Variants in EXOC6B observed in about 807,000 individuals in gnomAD.
The protein encoded by EXOC6B is SEC15 homolog B.
In EXOC6B, 54 loss-of-function variants were observed where a neutral mutation model predicts 113.5. The ratio of observed to expected loss-of-function variants is 0.48; its 90% CI spans 0.38 to 0.60. EXOC6B has a LOEUF of 0.60. EXOC6B is among the 20% of genes least tolerant of loss of function. EXOC6B has a pLI of 0.00. For missense variants in EXOC6B, 797 were observed against 977.5 expected (o/e 0.82, Z 2.46); for synonymous variants, 357 against 339.0 (o/e 1.05, Z -0.58).
intron 13 of EXOC6B, 36 bp downstream of exon 13, chr2:72,498,418 G>A (rs1266809444): frequency 7.0e-7 from 1 of 1,437,710 alleles, no homozygotes; most frequent in African/African-American, 1.4e-5. Context: ...TAATGTACAT[G>A]AACACACACA....
intron 6 of EXOC6B, among the ~76,000 whole-genome samples, chr2:72,650,309 T>G (rs1056464424): frequency 6.6e-6 from 1 of 151,952 alleles, no homozygotes; most frequent in Admixed American, 6.6e-5. Context: ...TTTTAGAAAA[T>G]AGATAAAAGA....
intron 6 of EXOC6B, among the ~76,000 whole-genome samples, chr2:72,707,883 G>A (rs1481501206): frequency 6.6e-6 from 1 of 152,042 alleles, no homozygotes; most frequent in Non-Finnish European, 1.5e-5. Context: ...TAATGCTATA[G>A]AGGAAAAGAA....
At chr2:72,782,108 C>T (rs922128720) in intron 1 of EXOC6B, among the ~76,000 whole-genome samples, 1 of 150,172 alleles carries the variant, frequency 6.7e-6, no homozygotes, top group Non-Finnish European at 1.5e-5. Context: ...CCACTGCACT[C>T]CAGCCTGGGC....
intron 8 of EXOC6B, among the ~76,000 whole-genome samples, chr2:72,534,683 CA>C (rs1433961909): frequency 6.6e-6 from 1 of 152,086 alleles, no homozygotes; most frequent in Admixed American, 6.5e-5. Context: ...TTATAAAAAA[CA>C]ATCTAATTAT....
Position 72,307,733 on chromosome 2 carries a change from T to G in EXOC6B, c.2196+27214A>C, listed in dbSNP as rs187833808. Among the ~76,000 whole-genome samples the G allele has an allele frequency of 9.8e-5, 15 of 152,324 alleles. No homozygotes were observed. In the East Asian group the frequency reaches 2.5e-3, roughly 25 times the overall value. ...TTTTCAGGCTATTAGCAAGCAGGCA[T>G]TCTTTGCCTCAGGAGTTTTAGAACA... On this transcript the variant is annotated intron_variant, in intron 20 of 21. Transcript: ENST00000272427.
chr2:72,709,534 AG>A (rs1250142100), intron 6 of EXOC6B, among the ~76,000 whole-genome samples: 1 of 152,208 alleles, frequency 6.6e-6, no homozygotes, highest in Non-Finnish European at 1.5e-5. Context: ...CATATCAAGA[AG>A]TAAGTATCAG....
At chr2:72,716,394 T>A (rs1432336976) in intron 6 of EXOC6B, among the ~76,000 whole-genome samples, 3 of 152,176 alleles carry the variant, frequency 2.0e-5, no homozygotes, top group African/African-American at 7.2e-5. Context: ...ACGTACAAAG[T>A]ACATGGTATT....
chr2:72,463,025 C>G (rs986939172), intron 18 of EXOC6B: 2 of 152,082 alleles, frequency 1.3e-5, no homozygotes, highest in East Asian at 3.9e-4. Context: ...AATAAAATGT[C>G]TTTCTAGAAT....
At chr2:72,480,772 T>C in intron 16 of EXOC6B, 22 bp from the exon 17 acceptor site, 7 of 1,590,172 alleles carry the variant, frequency 4.4e-6, no homozygotes, top group Non-Finnish European at 6.0e-6. Context: ...CAAACACATG[T>C]AAAAGTCATT....
At chr2:72,744,980 T>C (rs898589232) in intron 1 of EXOC6B, among the ~76,000 whole-genome samples, 8 of 152,272 alleles carry the variant, frequency 5.3e-5, no homozygotes, top group African/African-American at 1.9e-4. Flanking sequence ...CTTTGGCCAA[T>C]CCAGTTAATC....
At chr2:72,508,220 T>C (rs1700714330) in intron 11 of EXOC6B, among the ~76,000 whole-genome samples, 2 of 142,114 alleles carry the variant, frequency 1.4e-5, no homozygotes, top group Non-Finnish European at 3.0e-5. Flanking sequence ...GAAGTATTAT[T>C]AAATATTTTA....
At chr2:72,228,443 G>A (rs1681388057) in intron 20 of EXOC6B, among the ~76,000 whole-genome samples, 1 of 141,364 alleles carries the variant, frequency 7.1e-6, no homozygotes, top group African/African-American at 2.6e-5. Context: ...ATAGGCCCCA[G>A]TGTGTGATGT....
chr2:72,760,122 A>G (rs116051032), intron 1 of EXOC6B, among the ~76,000 whole-genome samples: 58 of 152,302 alleles, frequency 3.8e-4, no homozygotes, highest in African/African-American at 1.3e-3. Context: ...TAAACAAAAT[A>G]TTTTGTTTAC....
intron 1 of EXOC6B, among the ~76,000 whole-genome samples, chr2:72,821,679 T>C (rs550003320): frequency 4.5e-4 from 68 of 152,202 alleles, no homozygotes; most frequent in African/African-American, 1.6e-3. Flanking sequence ...TAGATGAACC[T>C]TGAAAACATT....
In EXOC6B at chr2:72,359,082, C is replaced by T. The variant is rs79223655; in HGVS notation, c.2122+20647G>A. On this transcript the variant is annotated intron_variant, in intron 19 of 21. Coordinates refer to ENST00000272427, the MANE Select transcript of EXOC6B (RefSeq NM_015189.3). ...CTTGTCCTAACTAATCTGCTGTTTA[C>T]CTTTTTCTTAGACTCTATGAAATGC... is the stretch of plus-strand genomic sequence containing the variant. Among the ~76,000 whole-genome samples, 558 of 152,254 alleles carry T rather than the reference C, an allele frequency of 3.7e-3. 1 individual carries two copies. The highest frequency in any genetic ancestry group is 6.4e-3 in the Non-Finnish European group (436 of 68,012).
chr2:72,354,497 G>C (rs1041724269), intron 19 of EXOC6B, among the ~76,000 whole-genome samples: 3 of 152,184 alleles, frequency 2.0e-5, no homozygotes, highest in Non-Finnish European at 2.9e-5. Context: ...CCACGATAAG[G>C]AGGAACAGGT....
At chr2:72,764,364 CTTTTTT>C (rs397869115) in intron 1 of EXOC6B, among the ~76,000 whole-genome samples, 21 of 66,812 alleles carry the variant, frequency 3.1e-4, no homozygotes, top group African/African-American at 1.0e-3. Flanking sequence ...TATTTTCTCT[CTTTTTT>C]TTTTTTTTTT....
chr2:72,586,977 A>T (rs887258013), intron 6 of EXOC6B, among the ~76,000 whole-genome samples: 1 of 152,148 alleles, frequency 6.6e-6, no homozygotes, highest in African/African-American at 2.4e-5. Context: ...ATGTAAATTA[A>T]TTCAGCCACT....
intron 1 of EXOC6B, among the ~76,000 whole-genome samples, chr2:72,823,584 G>C (rs113578193): frequency 0.037 from 5,604 of 149,728 alleles, 353 homozygotes; most frequent in African/African-American, 0.13. Flanking sequence ...AGGAATTCAA[G>C]ACCAGCTTGG....
Sources: allele counts gnomAD v4.1 joint callset (sites outside exome capture counted in the v4.1 genomes callset), GRCh38; gene constraint gnomAD v4.1.1; transcripts MANE v1.5; gene names NCBI Gene and HGNC (gene_info 2026-07-23, HGNC 2026-07-21).